MEIKIN: variants seen among roughly 807,000 people sequenced by gnomAD.
MEIKIN encodes meiotic kinetochore factor.
chr5:131,928,608 A>G (rs187814158), intron 5 of MEIKIN, among the ~76,000 whole-genome samples: 213 of 152,296 alleles, frequency 1.4e-3, no homozygotes, highest in Non-Finnish European at 1.8e-3. Context: ...GTTAGTTTTT[A>G]ACGTTTTTAT....
chr5:131,821,982 G>A (rs1749516170), intron 11 of MEIKIN, among the ~76,000 whole-genome samples: 1 of 152,058 alleles, frequency 6.6e-6, no homozygotes, highest in Non-Finnish European at 1.5e-5. Flanking sequence ...AGTGTTAGGT[G>A]CACATGTATT....
chr5:131,848,826 C>T (rs1328872938), intron 11 of MEIKIN, among the ~76,000 whole-genome samples: 2 of 152,078 alleles, frequency 1.3e-5, no homozygotes, highest in Non-Finnish European at 2.9e-5. Context: ...TAGGCCACAA[C>T]TAAATGGGTT....
chr5:131,827,338 CA>C lies in MEIKIN; in HGVS notation c.976-8476del, dbSNP rs565953117. On this transcript the variant is annotated intron_variant, in intron 11 of 12. Transcript: ENST00000442687. The stretch of plus-strand genomic sequence containing the variant: ...TTGTTAAGAAGAAAAGGGAGGCATA[CA>C]AAAAAAACTGGATGAAAGGAAATAA... 3.4e-3 allele frequency among the ~76,000 whole-genome samples: 515 copies of C among 151,268 alleles called. 1 individual carries two copies. Among genetic ancestry groups the C allele is most frequent in the Non-Finnish European group, 5.7e-3 (385 of 67,784 alleles).
chr5:131,896,469 TTG>T (rs1561748503), intron 8 of MEIKIN, among the ~76,000 whole-genome samples: 1 of 152,014 alleles, frequency 6.6e-6, no homozygotes, highest in Non-Finnish European at 1.5e-5. Flanking sequence ...TGATCTAATA[TTG>T]ACAGTGGGGT....
intron 12 of MEIKIN, among the ~76,000 whole-genome samples, chr5:131,814,992 A>C (rs1172874248): frequency 2.6e-5 from 4 of 152,270 alleles, no homozygotes; most frequent in African/African-American, 9.6e-5. Context: ...GATTACATTG[A>C]ACTACTTCCA....
At chr5:131,898,897 C>T (rs1182250889) in intron 8 of MEIKIN, among the ~76,000 whole-genome samples, 1 of 152,184 alleles carries the variant, frequency 6.6e-6, no homozygotes, top group Non-Finnish European at 1.5e-5. Context: ...AAGGCAATGC[C>T]CCGCCCTCCT....
intron 12 of MEIKIN, among the ~76,000 whole-genome samples, chr5:131,816,073 C>T (rs938137438): frequency 2.6e-5 from 4 of 152,114 alleles, no homozygotes; most frequent in African/African-American, 4.8e-5. Context: ...GAACATTGCC[C>T]GAAACTTTGT....
At chr5:131,869,008 C>A (rs1470099619) in intron 9 of MEIKIN, among the ~76,000 whole-genome samples, 1 of 152,092 alleles carries the variant, frequency 6.6e-6, no homozygotes, top group Non-Finnish European at 1.5e-5. Flanking sequence ...TCAATTATTT[C>A]TTTTATAATT....
chr5:131,873,672 C>T (rs192301243), intron 9 of MEIKIN, among the ~76,000 whole-genome samples: 150 of 152,328 alleles, frequency 9.8e-4, no homozygotes, highest in Non-Finnish European at 1.3e-3. Flanking sequence ...ACAGAAATCT[C>T]CACCCCAAAT....
intron 9 of MEIKIN, among the ~76,000 whole-genome samples, chr5:131,876,811 C>T (rs1392815808): frequency 2.0e-5 from 3 of 151,902 alleles, no homozygotes; most frequent in Non-Finnish European, 4.4e-5. Flanking sequence ...GAATACTATG[C>T]AGCCATAAAA....
At chr5:131,817,082 G>C (rs1476025649) in intron 12 of MEIKIN, among the ~76,000 whole-genome samples, 2 of 152,136 alleles carry the variant, frequency 1.3e-5, no homozygotes, top group Non-Finnish European at 2.9e-5. Context: ...GCGGAGGAAA[G>C]GCAGATTTAC....
At chr5:131,923,310 G>A (rs1024101795) in intron 5 of MEIKIN, among the ~76,000 whole-genome samples, 2 of 151,954 alleles carry the variant, frequency 1.3e-5, no homozygotes, top group East Asian at 3.9e-4. Flanking sequence ...TTCATCTACT[G>A]TACTAGGCAC....
At chr5:131,865,939 T>A (rs752325230) in intron 9 of MEIKIN, among the ~76,000 whole-genome samples, 13 of 152,220 alleles carry the variant, frequency 8.5e-5, no homozygotes, top group Non-Finnish European at 1.5e-4. Flanking sequence ...ATGTTAAGCA[T>A]GCCTGTCCTT....
At chr5:131,819,767 T>TG in intron 11 of MEIKIN, among the ~76,000 whole-genome samples, 1 of 91,848 alleles carries the variant, frequency 1.1e-5, no homozygotes. Context: ...ATCCAGCTAT[T>TG]TTTTTTTTTT....
chr5:131,827,382 A>G (rs2149605394), intron 11 of MEIKIN, among the ~76,000 whole-genome samples: 1 of 152,358 alleles, frequency 6.6e-6, no homozygotes, highest in Non-Finnish European at 1.5e-5. Context: ...GATCACAGAA[A>G]TAAGTCCAAA....
intron 11 of MEIKIN, among the ~76,000 whole-genome samples, chr5:131,822,281 T>G (rs980250048): frequency 1.3e-5 from 2 of 152,222 alleles, no homozygotes; most frequent in African/African-American, 4.8e-5. Context: ...TTAGTCCATT[T>G]ACATTCAATG....
At chr5:131,918,341 T>C (rs1467696678) in intron 6 of MEIKIN, among the ~76,000 whole-genome samples, 2 of 152,236 alleles carry the variant, frequency 1.3e-5, no homozygotes, top group Non-Finnish European at 2.9e-5. Flanking sequence ...TACTGTTAGA[T>C]TTTTTGACAT....
intron 9 of MEIKIN, among the ~76,000 whole-genome samples, chr5:131,859,168 T>C (rs1750242345): frequency 6.6e-6 from 1 of 152,182 alleles, no homozygotes; most frequent in Non-Finnish European, 1.5e-5. Flanking sequence ...AGACATGGAA[T>C]CAATCTAAAT....
chr5:131,906,253 C>T (rs1751240706), intron 8 of MEIKIN, among the ~76,000 whole-genome samples: 1 of 152,090 alleles, frequency 6.6e-6, no homozygotes, highest in African/African-American at 2.4e-5. Flanking sequence ...ACACGACCGA[C>T]AAACATGCAA....
Sources: allele counts gnomAD v4.1 joint callset (sites outside exome capture counted in the v4.1 genomes callset), GRCh38; gene constraint gnomAD v4.1.1; transcripts MANE v1.5; gene names NCBI Gene and HGNC (gene_info 2026-07-23, HGNC 2026-07-21).